The following TENM3 variants were observed in gnomAD, a reference collection of about 807,000 sequenced individuals.
TENM3 encodes the protein teneurin-3.
A neutral mutation model predicts 255.1 loss-of-function variants in TENM3; 63 were observed. The ratio of observed to expected loss-of-function variants is 0.25; its 90% CI spans 0.20 to 0.30. The LOEUF is 0.30. TENM3 is among the 10% of genes least tolerant of loss of function. The probability of loss-of-function intolerance (pLI) is 1.00; values close to 1 mark genes in which losing one functional copy is unlikely to be tolerated. For synonymous variants in TENM3, 1,306 were observed against 1,322.3 expected (o/e 0.99, Z 0.27); for missense variants, 2,929 against 3,461.1 (o/e 0.85, Z 3.86).
At chr4:182,219,740 C>T (rs966342193) in intron 1 of TENM3, among the ~76,000 whole-genome samples, 2 of 152,124 alleles carry the variant, frequency 1.3e-5, no homozygotes, top group Non-Finnish European at 2.9e-5. Flanking sequence ...TTAAAATATC[C>T]AACTGATGGT....
the TENM3 span, among the ~76,000 whole-genome samples, chr4:181,830,484 G>T: frequency 2.6e-5 from 4 of 151,938 alleles, no homozygotes; most frequent in Admixed American, 1.3e-4. Flanking sequence ...TGTTGGTCAG[G>T]CTGGTCTCAA....
At chr4:181,561,330 G>A in the TENM3 span, among the ~76,000 whole-genome samples, 1 of 152,036 alleles carries the variant, frequency 6.6e-6, no homozygotes, top group Non-Finnish European at 1.5e-5. Context: ...GCTACATGCT[G>A]TATGAATGAA....
the TENM3 span, among the ~76,000 whole-genome samples, chr4:181,626,256 G>T: frequency 6.6e-6 from 1 of 152,298 alleles, no homozygotes; most frequent in South Asian, 2.1e-4. Flanking sequence ...TGATTAAAGA[G>T]CAAGAAAAGG....
At chr4:182,695,594 A>G (rs1473867318) in intron 12 of TENM3, among the ~76,000 whole-genome samples, 1 of 152,060 alleles carries the variant, frequency 6.6e-6, no homozygotes, top group Non-Finnish European at 1.5e-5. Context: ...GAATCTTCCT[A>G]CCTCCCACTG....
the TENM3 span, among the ~76,000 whole-genome samples, chr4:181,489,522 A>G: frequency 6.6e-6 from 1 of 152,204 alleles, no homozygotes; most frequent in Non-Finnish European, 1.5e-5. Context: ...GAACATTAAC[A>G]TTTGATCTGA....
At chr4:182,274,500 G>C (rs540311473) in intron 1 of TENM3, among the ~76,000 whole-genome samples, 2 of 152,292 alleles carry the variant, frequency 1.3e-5, no homozygotes, top group Admixed American at 6.5e-5. Context: ...GAGTGAGGAC[G>C]TGTTTGGATA....
intron 3 of TENM3, among the ~76,000 whole-genome samples, chr4:182,527,438 CA>C (rs538914218): frequency 6.8e-6 from 1 of 147,790 alleles, no homozygotes; most frequent in Admixed American, 6.7e-5. Context: ...TAAAACAAAC[CA>C]AAAAAAAGGG....
At chr4:182,262,915 G>T (rs535001267) in intron 1 of TENM3, among the ~76,000 whole-genome samples, 2 of 151,880 alleles carry the variant, frequency 1.3e-5, no homozygotes, top group African/African-American at 2.4e-5. Context: ...GGGTTTCACC[G>T]TGTTAGCCAG....
the TENM3 span, among the ~76,000 whole-genome samples, chr4:181,695,494 AT>A: frequency 1.3e-5 from 2 of 152,222 alleles, no homozygotes; most frequent in Non-Finnish European, 2.9e-5. Context: ...AGCAAGCAAA[AT>A]AATGAAATCC....
chr4:182,379,684 A>G (rs990565661), intron 3 of TENM3, among the ~76,000 whole-genome samples: 5 of 151,986 alleles, frequency 3.3e-5, no homozygotes, highest in African/African-American at 1.2e-4. Flanking sequence ...TGAAGGAGAG[A>G]TCTGTAAGAC....
At chr4:181,553,702 A>G in the TENM3 span, among the ~76,000 whole-genome samples, 2 of 151,890 alleles carry the variant, frequency 1.3e-5, no homozygotes, top group Non-Finnish European at 2.9e-5. Context: ...CGGCCTCCCA[A>G]AGTGTTGGGA....
At chr4:181,518,863 T>A in the TENM3 span, among the ~76,000 whole-genome samples, 2 of 152,194 alleles carry the variant, frequency 1.3e-5, no homozygotes, top group Admixed American at 1.3e-4. Context: ...AGAATCGTAC[T>A]GTCCCATCCA....
At chr4:181,717,358 G>C in the TENM3 span, among the ~76,000 whole-genome samples, 1 of 147,120 alleles carries the variant, frequency 6.8e-6, no homozygotes, top group Non-Finnish European at 1.5e-5. Context: ...AAATGTCCTA[G>C]TAGAGATATT....
the TENM3 span, among the ~76,000 whole-genome samples, chr4:181,951,993 G>T: frequency 6.6e-6 from 1 of 152,290 alleles, no homozygotes; most frequent in Admixed American, 6.5e-5. Flanking sequence ...TTACTTGAAA[G>T]TCTGAAGTAT....
the TENM3 span, among the ~76,000 whole-genome samples, chr4:181,807,833 T>G: frequency 1.3e-5 from 2 of 152,220 alleles, no homozygotes; most frequent in Admixed American, 6.5e-5. Flanking sequence ...AAGGTTGTAG[T>G]GAGTCCCTGT....
intron 1 of TENM3, among the ~76,000 whole-genome samples, chr4:182,155,465 A>C (rs1454383337): frequency 6.6e-6 from 1 of 152,052 alleles, no homozygotes; most frequent in Non-Finnish European, 1.5e-5. Context: ...ATGATACTAA[A>C]ATTATTTTCT....
chr4:181,957,101 C>T, the TENM3 span, among the ~76,000 whole-genome samples: 36 of 152,140 alleles, frequency 2.4e-4, no homozygotes, highest in African/African-American at 6.8e-4. Flanking sequence ...TCATCTGACA[C>T]GGCAGGATTC....
At chr4:181,924,135 G>A in the TENM3 span, among the ~76,000 whole-genome samples, 1 of 152,082 alleles carries the variant, frequency 6.6e-6, no homozygotes, top group African/African-American at 2.4e-5. Context: ...GGGACAAAGA[G>A]CTTGTTTTCT....
chr4:181,567,056 G>T, the TENM3 span, among the ~76,000 whole-genome samples: 1 of 152,150 alleles, frequency 6.6e-6, no homozygotes, highest in Non-Finnish European at 1.5e-5. Context: ...TGGTAGTGGG[G>T]TTGGAATATG....
Sources: gnomAD v4.1 joint callset for allele counts (sites outside exome capture counted in the v4.1 genomes callset) on GRCh38, gnomAD v4.1.1 for gene constraint, MANE v1.5 for transcripts, NCBI Gene and HGNC (gene_info 2026-07-23, HGNC 2026-07-21) for gene names.